Variants in PRR16 observed in about 807,000 individuals in gnomAD.
PRR16 encodes proline rich 16, also known as protein Largen.
In PRR16, 6 loss-of-function variants were observed where a neutral mutation model predicts 18.2. The ratio of observed to expected loss-of-function variants is 0.33; its 90% CI spans 0.18 to 0.65. The LOEUF (loss-of-function observed/expected upper bound fraction) is 0.65. PRR16 is among the 30% of genes least tolerant of loss of function. PRR16 has a pLI of 0.74. For synonymous variants in PRR16, 151 were observed against 147.8 expected (o/e 1.02, Z -0.16); for missense variants, 412 against 376.6 (o/e 1.09, Z -0.78).
chr5:120,529,907 C>CT lies in PRR16; in HGVS notation c.159+65271dup, dbSNP rs540127776. 7.6e-3 allele frequency among the ~76,000 whole-genome samples: 1,141 copies of CT among 150,058 alleles called. 4 individuals carry two copies. The highest frequency in any genetic ancestry group is 0.015 in the African/African-American group (627 of 40,882). On this transcript the variant is annotated intron_variant, in intron 1 of 1. Coordinates refer to ENST00000407149, the MANE Select transcript of PRR16 (RefSeq NM_001300783.2). ...AAAATAGTAAACACAATACAGCAGG[C>CT]TTTTTTTTTCTTTTTTAACATTAAC...
At position 120,472,374 on chromosome 5, in the gene PRR16, G is replaced by C. The variant is rs1354838172; in HGVS notation, c.159+7729G>C. Among the ~76,000 whole-genome samples the C allele has an allele frequency of 2.6e-5, 4 of 151,954 alleles. No homozygotes were observed. In the East Asian group the frequency reaches 7.7e-4, roughly 29 times the overall value. Reference sequence around the variant, plus strand: ...GTGTTTATATGAGAGAAAAATACTGGGTTAAACAATATCAGTCAAATCAAT... The same window carrying C: ...GTGTTTATATGAGAGAAAAATACTGCGTTAAACAATATCAGTCAAATCAAT... On this transcript the variant is annotated intron_variant, in intron 1 of 1. Coordinates refer to ENST00000407149, the MANE Select transcript of PRR16 (RefSeq NM_001300783.2).
At chr5:120,763,478 G>A in the PRR16 span, among the ~76,000 whole-genome samples, 1 of 152,008 alleles carries the variant, frequency 6.6e-6, no homozygotes, top group Non-Finnish European at 1.5e-5. Flanking sequence ...TATTTTCCAA[G>A]GTAAGGTAAT....
intron 1 of PRR16, among the ~76,000 whole-genome samples, chr5:120,610,554 C>A (rs1307057227): frequency 6.6e-6 from 1 of 151,880 alleles, no homozygotes; most frequent in African/African-American, 2.4e-5. Context: ...CAGTCTTTCC[C>A]ATGCTACTCT....
At chr5:120,655,669 T>C (rs1724678150) in intron 1 of PRR16, among the ~76,000 whole-genome samples, 2 of 150,976 alleles carry the variant, frequency 1.3e-5, no homozygotes, top group Admixed American at 6.6e-5. Context: ...CACAATAAAA[T>C]AAAACCATGC....
At chr5:120,701,779 G>A in the PRR16 span, among the ~76,000 whole-genome samples, 5 of 152,104 alleles carry the variant, frequency 3.3e-5, no homozygotes, top group Non-Finnish European at 5.9e-5. Context: ...GTTGCACTGG[G>A]CACAGAGACT....
chr5:120,489,245 A>T (rs1223591639), intron 1 of PRR16, among the ~76,000 whole-genome samples: 2 of 152,118 alleles, frequency 1.3e-5, no homozygotes, highest in African/African-American at 2.4e-5. Context: ...TAATGTTGAC[A>T]GTGGGGTGTT....
chr5:120,623,401 G>T (rs1754754230), intron 1 of PRR16, among the ~76,000 whole-genome samples: 2 of 152,136 alleles, frequency 1.3e-5, no homozygotes, highest in Non-Finnish European at 2.9e-5. Context: ...AGGTACTTCA[G>T]TGTAATTATT....
Position 120,499,402 on chromosome 5 carries a change from A to G in PRR16, c.159+34757A>G, listed in dbSNP as rs79220454. Among the ~76,000 whole-genome samples, 391 of 152,158 alleles carry G rather than the reference A, an allele frequency of 2.6e-3. 1 individual carries two copies. Among genetic ancestry groups the G allele is most frequent in the African/African-American group, 8.7e-3 (363 of 41,518 alleles). Reference sequence around the variant, plus strand: ...TGACATGAATATTAGCTCTTTGATTATGGTCCATGGATTCCCGAGTCTCTT... The same window carrying G: ...TGACATGAATATTAGCTCTTTGATTGTGGTCCATGGATTCCCGAGTCTCTT... On this transcript the variant is annotated intron_variant, in intron 1 of 1. Transcript: ENST00000407149.
At chr5:120,485,051 G>T (rs1319241278) in intron 1 of PRR16, among the ~76,000 whole-genome samples, 1 of 151,800 alleles carries the variant, frequency 6.6e-6, no homozygotes, top group African/African-American at 2.4e-5. Flanking sequence ...TCTTTACTCT[G>T]ATTTAAATAG....
the PRR16 span, among the ~76,000 whole-genome samples, chr5:120,700,837 T>C: frequency 3.3e-5 from 5 of 152,194 alleles, no homozygotes; most frequent in African/African-American, 1.2e-4. Context: ...TCCGAGGCGA[T>C]CGGGCAGTGT....
chr5:120,485,414 G>A (rs1045028820), intron 1 of PRR16, among the ~76,000 whole-genome samples: 35 of 152,128 alleles, frequency 2.3e-4, no homozygotes, highest in African/African-American at 7.7e-4. Context: ...TTTTCCGCAC[G>A]TTTCTTAGAC....
At chr5:120,673,248 T>A (rs902802788) in intron 1 of PRR16, among the ~76,000 whole-genome samples, 1 of 152,234 alleles carries the variant, frequency 6.6e-6, no homozygotes, top group African/African-American at 2.4e-5. Context: ...GTACTTGTTT[T>A]ATGTTTCTTT....
chr5:120,542,125 G>C (rs190556452), intron 1 of PRR16, among the ~76,000 whole-genome samples: 41 of 152,180 alleles, frequency 2.7e-4, no homozygotes, highest in Non-Finnish European at 4.9e-4. Flanking sequence ...CAGGGGCACT[G>C]TAATTCAATT....
chr5:120,733,345 T>C, the PRR16 span, among the ~76,000 whole-genome samples: 20 of 152,184 alleles, frequency 1.3e-4, no homozygotes, highest in African/African-American at 4.8e-4. Context: ...AGATGGGGTC[T>C]CACTATGGTG....
At chr5:120,667,568 TCCTG>T (rs1215821988) in intron 1 of PRR16, among the ~76,000 whole-genome samples, 21 of 151,532 alleles carry the variant, frequency 1.4e-4, no homozygotes, top group African/African-American at 5.1e-4. Flanking sequence ...TTTGGATTTT[TCCTG>T]CTTTCTCTTG....
chr5:120,721,912 T>G, the PRR16 span, among the ~76,000 whole-genome samples: 2 of 152,042 alleles, frequency 1.3e-5, no homozygotes, highest in Non-Finnish European at 2.9e-5. Context: ...TGGATACATA[T>G]GGGATACATG....
the PRR16 span, chr5:120,790,540 A>ATGTT: frequency 6.6e-6 from 1 of 152,236 alleles, no homozygotes; most frequent in Non-Finnish European, 1.5e-5. Context: ...CAGACAGAGA[A>ATGTT]TGTTTGCCAT....
At chr5:120,642,168 T>C (rs1017815079) in intron 1 of PRR16, among the ~76,000 whole-genome samples, 1 of 152,050 alleles carries the variant, frequency 6.6e-6, no homozygotes, top group African/African-American at 2.4e-5. Context: ...CACTTATCAG[T>C]CTCAGTTCCA....
At chr5:120,684,783 T>A (rs923827239) in intron 1 of PRR16, among the ~76,000 whole-genome samples, 1 of 152,196 alleles carries the variant, frequency 6.6e-6, no homozygotes, top group African/African-American at 2.4e-5. Flanking sequence ...GACTCCCCAG[T>A]ATCCTTGCCA....
Sources: allele counts gnomAD v4.1 joint callset (sites outside exome capture counted in the v4.1 genomes callset), GRCh38; gene constraint gnomAD v4.1.1; transcripts MANE v1.5; gene names NCBI Gene and HGNC (gene_info 2026-07-23, HGNC 2026-07-21).